The following MACROH2A2 variants were observed in gnomAD, a reference collection of about 807,000 sequenced individuals.
MACROH2A2 encodes the protein core histone macro-H2A.2.
MACROH2A2 carries 6 observed loss-of-function variants against 37.6 expected under a neutral mutation model. The observed-to-expected ratio is 0.16, with a 90% CI of 0.09 to 0.32. The LOEUF (loss-of-function observed/expected upper bound fraction) is 0.32. Ranked by LOEUF, MACROH2A2 falls within the 10% of genes least tolerant of loss-of-function variation. The pLI, the probability that MACROH2A2 is intolerant of heterozygous loss-of-function variation, is 1.00. For missense variants in MACROH2A2, 290 were observed against 485.9 expected (o/e 0.60, Z 3.79); for synonymous variants, 192 against 202.7 (o/e 0.95, Z 0.45).
chr10:70,069,578 C>T (rs2072097498), intron 1 of MACROH2A2, among the ~76,000 whole-genome samples: 1 of 152,050 alleles, frequency 6.6e-6, no homozygotes, highest in African/African-American at 2.4e-5. Context: ...TCTGAGGACA[C>T]CAAGAGCTGC....
chr10:70,071,061 G>A lies in MACROH2A2; in HGVS notation c.-59-4539G>A, dbSNP rs568817306. Among the ~76,000 whole-genome samples, 21 of 149,286 alleles carry A rather than the reference G, an allele frequency of 1.4e-4. No homozygotes were observed. The South Asian group carries it at 2.3e-3, about 17-fold the overall frequency. On this transcript the variant is annotated intron_variant, in intron 1 of 8. Transcript: ENST00000373255. ...TGCACGTGCATGCGTGTGTGGGCGC[G>A]CGTGTGCATGTGCATGAGTGTGTGT...
chr10:70,095,034 C>T (rs2072266424), intron 5 of MACROH2A2, among the ~76,000 whole-genome samples: 1 of 152,114 alleles, frequency 6.6e-6, no homozygotes, highest in African/African-American at 2.4e-5. Flanking sequence ...CTAAGGCCAC[C>T]AGGGTTGGGA....
intron 1 of MACROH2A2, among the ~76,000 whole-genome samples, chr10:70,055,513 C>G (rs1426155190): frequency 6.6e-6 from 1 of 151,830 alleles, no homozygotes; most frequent in Non-Finnish European, 1.5e-5. Context: ...TGAGTATACA[C>G]CAATTCTTAA....
intron 8 of MACROH2A2, among the ~76,000 whole-genome samples, chr10:70,109,560 T>C (rs1163878165): frequency 6.6e-6 from 1 of 152,196 alleles, no homozygotes; most frequent in Non-Finnish European, 1.5e-5. Flanking sequence ...CAGCTGTCCA[T>C]GTCCAGGACA....
chr10:70,081,068 CAAAA>C (rs34688764), intron 2 of MACROH2A2, among the ~76,000 whole-genome samples: 2 of 45,842 alleles, frequency 4.4e-5, no homozygotes, highest in African/African-American at 8.8e-5. Context: ...CCCTGTCTCT[CAAAA>C]AAAAAAAAAA....
chr10:70,106,098 T>A (rs1453551768), intron 7 of MACROH2A2, among the ~76,000 whole-genome samples: 1 of 152,150 alleles, frequency 6.6e-6, no homozygotes, highest in Non-Finnish European at 1.5e-5. Flanking sequence ...AGTAGCAGCC[T>A]CTCAGCAGGA....
At chr10:70,082,107 A>G (rs1199031935) in intron 2 of MACROH2A2, among the ~76,000 whole-genome samples, 1 of 152,248 alleles carries the variant, frequency 6.6e-6, no homozygotes, top group Non-Finnish European at 1.5e-5. Flanking sequence ...ACTCCTAGCC[A>G]TATACCTAAG....
At chr10:70,072,807 A>G (rs866043053) in intron 1 of MACROH2A2, among the ~76,000 whole-genome samples, 20 of 152,066 alleles carry the variant, frequency 1.3e-4, no homozygotes, top group African/African-American at 4.8e-4. Flanking sequence ...AAATACAAAA[A>G]TTAGCCAGGC....
rs1270321824 is a variant in MACROH2A2 at position 70,075,123 on chromosome 10, C to T, written c.-59-477C>T. Among the ~76,000 whole-genome samples, 1 of 152,156 alleles carries T rather than the reference C, an allele frequency of 6.6e-6. No individual in the cohort carries two copies. Among genetic ancestry groups the T allele is most frequent in the East Asian group, 1.9e-4 (1 of 5,196 alleles). On this transcript the variant is annotated intron_variant, in intron 1 of 8. Transcript: ENST00000373255. The surrounding 1 kb of genome is among the most constrained non-coding windows in gnomAD (Gnocchi z 5.0). ...TCCTTTTCCTTCTGTTCTCACATCT[C>T]TTACTGCCCACTCTGACCCCCTGCC...
In MACROH2A2 at chr10:70,100,378, T is replaced by C. The variant is rs1554822997; in HGVS notation, c.778+81T>C. 3.7e-5 allele frequency: 27 copies of C among 729,626 alleles called. No homozygotes were observed. In the South Asian group the frequency reaches 4.1e-4, roughly 11 times the overall value. 45.2% of individuals were successfully genotyped at this position (729,626 alleles called of 1,614,324 possible). A position where few individuals can be genotyped will look rare whatever the true frequency, so the allele number is the denominator to read the frequency against. On this transcript the variant is annotated intron_variant, in intron 7 of 8. Transcript: ENST00000373255. ...TCTCCAGCCTCACGTGCCTCATGCC[T>C]ATTCAGCTTATGAGTCAAAGTATGC...
intron 7 of MACROH2A2, 90 bp from the exon 8 acceptor site, chr10:70,108,943 C>G: frequency 8.6e-7 from 1 of 1,169,110 alleles, no homozygotes; most frequent in Non-Finnish European, 1.3e-6. Context: ...ACTGCCTTAT[C>G]TCCAGATCTA....
intron 2 of MACROH2A2, among the ~76,000 whole-genome samples, chr10:70,085,434 G>C (rs1183622391): frequency 1.3e-5 from 2 of 152,134 alleles, no homozygotes; most frequent in African/African-American, 4.8e-5. Flanking sequence ...GAACCCCAGG[G>C]ACACTGCCAA....
At chr10:70,067,406 C>A (rs529938031) in intron 1 of MACROH2A2, among the ~76,000 whole-genome samples, 1 of 152,082 alleles carries the variant, frequency 6.6e-6, no homozygotes, top group Non-Finnish European at 1.5e-5. Context: ...AAAAACAATT[C>A]GTCTTGACAT....
intron 1 of MACROH2A2, among the ~76,000 whole-genome samples, chr10:70,054,154 C>T (rs547621040): frequency 1.6e-4 from 24 of 152,316 alleles, no homozygotes; most frequent in African/African-American, 5.3e-4. Flanking sequence ...AGTTTCCCGT[C>T]GCGTGCAGTG....
chr10:70,080,393 G>A (rs558095038), intron 2 of MACROH2A2, among the ~76,000 whole-genome samples: 1 of 152,234 alleles, frequency 6.6e-6, no homozygotes, highest in Admixed American at 6.5e-5. Flanking sequence ...GAACCAGGCT[G>A]CAGCAGGAGG....
chr10:70,088,679 G>A (rs2072226227), intron 2 of MACROH2A2, among the ~76,000 whole-genome samples: 1 of 152,188 alleles, frequency 6.6e-6, no homozygotes, highest in Non-Finnish European at 1.5e-5. Context: ...GCTTTCCTAC[G>A]CAGGTCTCCT....
At chr10:70,102,938 G>A (rs1284794309) in intron 7 of MACROH2A2, among the ~76,000 whole-genome samples, 5 of 152,162 alleles carry the variant, frequency 3.3e-5, no homozygotes, top group South Asian at 2.1e-4. Flanking sequence ...GGATGCTGCC[G>A]CCCCAGGCCT....
intron 1 of MACROH2A2, among the ~76,000 whole-genome samples, chr10:70,064,705 T>G (rs1228677775): frequency 6.6e-6 from 1 of 152,194 alleles, no homozygotes; most frequent in Non-Finnish European, 1.5e-5. Context: ...CCTCCTCATT[T>G]TTTTCTTGCT....
intron 2 of MACROH2A2, among the ~76,000 whole-genome samples, chr10:70,076,861 G>T (rs1329646190): frequency 6.6e-6 from 1 of 151,956 alleles, no homozygotes; most frequent in Non-Finnish European, 1.5e-5. Flanking sequence ...TAGATGCTCA[G>T]TCCTGCCCTG....
Sources: allele counts gnomAD v4.1 joint callset (sites outside exome capture counted in the v4.1 genomes callset), GRCh38; gene constraint gnomAD v4.1.1; non-coding constraint Gnocchi (gnomAD v3.1); transcripts MANE v1.5; gene names NCBI Gene and HGNC (gene_info 2026-07-23, HGNC 2026-07-21).